The following FAM20C variants were observed in gnomAD, a reference collection of about 807,000 sequenced individuals.
FAM20C encodes FAM20C golgi associated secretory pathway kinase.
FAM20C carries 40 observed loss-of-function variants against 51.5 expected under a neutral mutation model. The observed-to-expected ratio is 0.78, with a 90% CI of 0.60 to 1.01. The LOEUF is 1.01. Among genes scored for constraint, FAM20C ranks in the 50% least tolerant of loss-of-function variants. The pLI, the probability that FAM20C is intolerant of heterozygous loss-of-function variation, is 0.00. For missense variants in FAM20C, 861 were observed against 844.7 expected (o/e 1.02, Z -0.24); for synonymous variants, 406 against 380.6 (o/e 1.07, Z -0.78).
At chr7:213,483 T>A (rs192425228) in intron 3 of FAM20C, among the ~76,000 whole-genome samples, 11 of 152,362 alleles carry the variant, frequency 7.2e-5, no homozygotes. Flanking sequence ...GTTCCAACGC[T>A]CATCGGTGCT....
intron 5 of FAM20C, among the ~76,000 whole-genome samples, chr7:251,280 T>TGAGTGGCCGGGCACGGCGGCTCA (rs1462439696): frequency 6.6e-5 from 5 of 76,144 alleles, no homozygotes; most frequent in South Asian, 4.3e-4. Context: ...ACGCCTGCAA[T>TGAGTGGCCGGGCACGGCGGCTCA]CCCAGTACTG....
intron 5 of FAM20C, among the ~76,000 whole-genome samples, chr7:253,662 G>GCTTCCTTGTGGAATTCCC (rs1554255921): frequency 6.6e-6 from 1 of 152,068 alleles, no homozygotes; most frequent in Non-Finnish European, 1.5e-5. Flanking sequence ...CCGCTTCCCG[G>GCTTCCTTGTGGAATTCCC]GCGAGGGGCT....
intron 3 of FAM20C, among the ~76,000 whole-genome samples, chr7:221,037 C>T (rs35333698): frequency 0.02 from 334 of 16,630 alleles, 17 homozygotes; most frequent in Middle Eastern, 0.042. Context: ...GGGCACAGGG[C>T]GGAGCCTCGT....
intron 3 of FAM20C, among the ~76,000 whole-genome samples, chr7:230,372 T>TGGGGGG (rs58866144): frequency 0.028 from 208 of 7,452 alleles, 4 homozygotes; most frequent in Non-Finnish European, 0.05. Flanking sequence ...CAGGACGGGG[T>TGGGGGG]GGGGGGGGGG....
At chr7:227,158 A>G (rs146697507) in intron 3 of FAM20C, among the ~76,000 whole-genome samples, 1 of 152,218 alleles carries the variant, frequency 6.6e-6, no homozygotes, top group East Asian at 1.9e-4. Context: ...CAGAACGGCA[A>G]TATCGAGGGT....
intron 1 of FAM20C, chr7:194,192 G>A (rs1785735491): frequency 4.9e-6 from 1 of 206,104 alleles, no homozygotes; most frequent in South Asian, 1.6e-4. Context: ...CTCTGGGTGG[G>A]CACCTTGGAG....
chr7:219,674 T>A (rs1458855397), intron 3 of FAM20C, among the ~76,000 whole-genome samples: 1 of 152,220 alleles, frequency 6.6e-6, no homozygotes, highest in East Asian at 1.9e-4. Flanking sequence ...CAGAGACTCC[T>A]GGGTGAATCC....
chr7:214,685 C>T (rs371663455), intron 3 of FAM20C, among the ~76,000 whole-genome samples: 21 of 152,306 alleles, frequency 1.4e-4, no homozygotes, highest in African/African-American at 3.6e-4. Context: ...AGGTCTCAGG[C>T]GCTTGCAGGG....
chr7:213,301 G>A (rs552119886), intron 3 of FAM20C, among the ~76,000 whole-genome samples: 1 of 151,940 alleles, frequency 6.6e-6, no homozygotes, highest in African/African-American at 2.4e-5. Context: ...ATCCTGCAGT[G>A]TGTGGTCCTT....
chr7:228,167 A>G (rs1478190371), intron 3 of FAM20C: 4 of 310,312 alleles, frequency 1.3e-5, no homozygotes, highest in African/African-American at 2.2e-5. Flanking sequence ...ACCAGGGGGG[A>G]AAGCCATCCG....
intron 3 of FAM20C, among the ~76,000 whole-genome samples, chr7:235,896 C>T (rs1442118070): frequency 6.6e-6 from 1 of 152,230 alleles, no homozygotes; most frequent in Non-Finnish European, 1.5e-5. Context: ...AACATTTGGG[C>T]GACTGCCCTG....
rs1296079751 is a variant in FAM20C at position 195,314 on chromosome 7, G to C, written c.606-240G>C. The C allele has an allele frequency of 5.5e-5, 23 of 421,040 alleles. No individual in the cohort carries two copies. The Admixed American group carries it at 8.6e-4, about 16-fold the overall frequency. 26.1% of individuals were successfully genotyped at this position (421,040 alleles called of 1,614,324 possible). A position where few individuals can be genotyped will look rare whatever the true frequency, so the allele number is the denominator to read the frequency against. On this transcript the variant is annotated intron_variant, in intron 1 of 9. Coordinates refer to ENST00000313766, the MANE Select transcript of FAM20C (RefSeq NM_020223.4). The stretch of plus-strand genomic sequence containing the variant: ...TTTTGCTGTAGTTAGAGCTGTCTGT[G>C]GTGTCTCCAGAGGGTGAGTAAGAAT...
At chr7:249,759 G>GAAAAT in intron 5 of FAM20C, among the ~76,000 whole-genome samples, 1 of 152,158 alleles carries the variant, frequency 6.6e-6, no homozygotes, top group East Asian at 1.9e-4. Flanking sequence ...GAAAAGAAAA[G>GAAAAT]AAACTGGCAT....
At chr7:199,478 C>T (rs748780764) in intron 2 of FAM20C, among the ~76,000 whole-genome samples, 23 of 152,240 alleles carry the variant, frequency 1.5e-4, no homozygotes, top group African/African-American at 4.6e-4. Flanking sequence ...CTCAGCTGTC[C>T]GGCCCCTGGG....
At chr7:195,449 C>G (rs1785811958) in intron 1 of FAM20C, 105 bp from the exon 2 acceptor site, 2 of 1,189,994 alleles carry the variant, frequency 1.7e-6, no homozygotes, top group East Asian at 3.0e-5. Flanking sequence ...TCTGCACTTG[C>G]TTGAACCCAA....
At chr7:228,094 T>A (rs1787513486) in intron 3 of FAM20C, 1 of 258,280 alleles carries the variant, frequency 3.9e-6, no homozygotes. Flanking sequence ...CAGCGACCCG[T>A]CAGAGCTGAT....
At chr7:250,308 A>G (rs995752155) in intron 5 of FAM20C, among the ~76,000 whole-genome samples, 1 of 152,118 alleles carries the variant, frequency 6.6e-6, no homozygotes. Flanking sequence ...CGAGATCCTC[A>G]TTTGCTTTCT....
chr7:259,870 C>T lies in FAM20C; in HGVS notation c.1645C>T (p.Arg549Trp), dbSNP rs796051850. The T allele has an allele frequency of 1.0e-5, 16 of 1,536,226 alleles. No individual in the cohort carries two copies. Among genetic ancestry groups the T allele is most frequent in the Middle Eastern group, 3.3e-4 (2 of 5,980 alleles). ...YQPHLEALDR[R>W]LRVVLKAVRD... ...GCCGCACCTGGAGGCCCTGGACCGGCGGCTCCGCGTCGTGCTAAAGGCCGT... is the reference window on the plus strand; with the variant it reads ...GCCGCACCTGGAGGCCCTGGACCGGTGGCTCCGCGTCGTGCTAAAGGCCGT... Residue 549 changes from arginine to tryptophan, a missense_variant, in exon 10 of 10, where the codon CGG becomes TGG. This residue lies in a region of FAM20C where 269 missense variants were observed against 283.8 expected (regional missense o/e 0.95). Coordinates refer to ENST00000313766, the MANE Select transcript of FAM20C (RefSeq NM_020223.4).
chr7:233,288 A>G (rs982693052), intron 3 of FAM20C, among the ~76,000 whole-genome samples: 2 of 152,146 alleles, frequency 1.3e-5, no homozygotes, highest in African/African-American at 4.8e-5. Flanking sequence ...GTGGTTTTCT[A>G]AGTGTCATGA....
Sources: gnomAD v4.1 joint callset for allele counts (sites outside exome capture counted in the v4.1 genomes callset) on GRCh38, gnomAD v4.1.1 for gene constraint, gnomAD v4.1.1 regional missense constraint, MANE v1.5 for transcripts, NCBI Gene and HGNC (gene_info 2026-07-23, HGNC 2026-07-21) for gene names.